Variants in DNAH9 observed in about 807,000 individuals in gnomAD.
The protein encoded by DNAH9 is DNAH9 variant protein.
Under a neutral mutation model 471.6 loss-of-function variants are expected in DNAH9, and 345 were observed. The observed-to-expected ratio is 0.73, with a 90% CI of 0.67 to 0.80. The LOEUF (loss-of-function observed/expected upper bound fraction) is 0.80. Among genes scored for constraint, DNAH9 ranks in the 30% least tolerant of loss-of-function variants. The pLI, the probability that DNAH9 is intolerant of heterozygous loss-of-function variation, is 0.00. For synonymous variants in DNAH9, 2,093 were observed against 2,123.6 expected (o/e 0.99, Z 0.40); for missense variants, 5,407 against 5,609.2 (o/e 0.96, Z 1.15).
chr17:11,660,310 T>TA (rs758825240), intron 14 of DNAH9, among the ~76,000 whole-genome samples: 54 of 146,100 alleles, frequency 3.7e-4, no homozygotes, highest in Admixed American at 1.2e-3. Context: ...TATTCAGTTT[T>TA]AAATGTTTCT....
At chr17:11,801,167 A>C (rs540043116) in intron 43 of DNAH9, among the ~76,000 whole-genome samples, 27 of 152,344 alleles carry the variant, frequency 1.8e-4, no homozygotes, top group African/African-American at 6.3e-4. Context: ...AGAGGAGAGA[A>C]GTTGCCTAAG....
At position 11,822,389 on chromosome 17, in the gene DNAH9, G is replaced by C. The variant is rs1567826337; in HGVS notation, c.8851-49G>C. ...CAAGGCCATATCTGCCTCTCCGTGA[G>C]TATTTCTCTGATGCCTTCCTGGTTC... is the stretch of plus-strand genomic sequence containing the variant. On this transcript the variant is annotated intron_variant, in intron 46 of 68. Transcript: ENST00000262442. 4.4e-6 allele frequency: 7 copies of C among 1,608,058 alleles called. 1 individual carries two copies. Among genetic ancestry groups the C allele is most frequent in the Non-Finnish European group, 6.0e-6 (7 of 1,175,898 alleles).
At chr17:11,700,071 T>C (rs1372410766) in intron 23 of DNAH9, among the ~76,000 whole-genome samples, 188 bp downstream of exon 23, 2 of 152,190 alleles carry the variant, frequency 1.3e-5, no homozygotes, top group African/African-American at 2.4e-5. Flanking sequence ...GCTTTCCTCT[T>C]TCAGGGAAGG....
rs1967747335 is a variant in DNAH9 at position 11,762,770 on chromosome 17, G to GTTTTGTT, written c.6996-666_6996-665insGTTTTTT. Among the ~76,000 whole-genome samples, 74 of 90,784 alleles carry GTTTTGTT rather than the reference G, an allele frequency of 8.2e-4. 1 individual carries two copies. Among genetic ancestry groups the GTTTTGTT allele is most frequent in the East Asian group, 3.3e-3 (10 of 3,028 alleles). 59.6% of individuals were successfully genotyped at this position (90,784 alleles called of 152,430 possible). On this transcript the variant is annotated intron_variant, in intron 35 of 68. Coordinates refer to ENST00000262442, the MANE Select transcript of DNAH9 (RefSeq NM_001372.4). ...CCTCTTTAGGTGCGTTTTTTTTTTTGTTTTTTTTTTTTTTTTTTTTTTTTT... is the reference window on the plus strand; with the variant it reads ...CCTCTTTAGGTGCGTTTTTTTTTTTGTTTTGTTTTTTTTTTTTTTTTTTTTTTTTTTT...
chr17:11,762,758 G>GTTTTTTTTGTTGT (rs1967733702), intron 35 of DNAH9, among the ~76,000 whole-genome samples: 13 of 94,770 alleles, frequency 1.4e-4, no homozygotes, highest in East Asian at 3.0e-4. Context: ...CTTTAGGTGC[G>GTTTTTTTTGTTGT]TTTTTTTTTT....
In DNAH9 at chr17:11,727,882, A is replaced by G. The variant is rs1198278309; in HGVS notation, c.5774A>G (p.Asn1925Ser). 9.3e-6 allele frequency: 15 copies of G among 1,614,018 alleles called. No individual in the cohort carries two copies. Among genetic ancestry groups the G allele is most frequent in the Non-Finnish European group, 1.3e-5 (15 of 1,180,004 alleles). Residue 1925 changes from asparagine to serine, a missense_variant, in exon 28 of 69, where the codon AAT becomes AGT. Around this residue, in one of 3 missense-constraint regions of DNAH9, gnomAD observed 4,636 missense variants for 4,900.3 expected, o/e 0.95. Transcript: ENST00000262442. ...GCCTGGGGCTGCTTTGATGAGTTTAATCGAATCTCCGTGGAGGTCTTGTCA... is the reference window on the plus strand; with the variant it reads ...GCCTGGGGCTGCTTTGATGAGTTTAGTCGAATCTCCGTGGAGGTCTTGTCA... ...TGAWGCFDEF[N>S]RISVEVLSVV...
intron 24 of DNAH9, among the ~76,000 whole-genome samples, chr17:11,702,771 AG>A (rs2074623575): frequency 6.6e-6 from 1 of 152,110 alleles, no homozygotes; most frequent in Admixed American, 6.6e-5. Flanking sequence ...GCCACATTGC[AG>A]GGGCTGAGGA....
At chr17:11,663,013 C>T (rs1360020349) in intron 14 of DNAH9, among the ~76,000 whole-genome samples, 10 of 151,680 alleles carry the variant, frequency 6.6e-5, no homozygotes, top group Admixed American at 6.6e-4. Context: ...CCTCGGCCTC[C>T]CAAAGTGCTG....
intron 26 of DNAH9, among the ~76,000 whole-genome samples, chr17:11,710,024 G>T (rs77236593): frequency 6.6e-6 from 1 of 151,992 alleles, no homozygotes; most frequent in Non-Finnish European, 1.5e-5. Context: ...ATTTGGAAAG[G>T]TTAGTATTCT....
At chr17:11,951,560 G>A (rs529222341) in intron 67 of DNAH9, among the ~76,000 whole-genome samples, 53 of 152,064 alleles carry the variant, frequency 3.5e-4, no homozygotes, top group African/African-American at 1.1e-3. Context: ...TATGACAGGA[G>A]GACTGCTTGA....
At chr17:11,682,986 T>C (rs1253008100) in intron 19 of DNAH9, among the ~76,000 whole-genome samples, 1 of 152,198 alleles carries the variant, frequency 6.6e-6, no homozygotes, top group Non-Finnish European at 1.5e-5. Flanking sequence ...GGCTTATTCT[T>C]CTGACTCTTT....
rs540173182 is a variant in DNAH9 at position 11,892,619 on chromosome 17, T to TCAGG, written c.11283+672_11283+673insCAGG. Among the ~76,000 whole-genome samples, 49 of 152,306 alleles carry TCAGG rather than the reference T, an allele frequency of 3.2e-4. No homozygotes were observed. In the East Asian group the frequency reaches 8.3e-3, roughly 26 times the overall value. ...AGGCTGGAATGCAGTGGTGTGATCC[T>TCAGG]GGCTCACTGCAATCTCCACCTCCCC... On this transcript the variant is annotated intron_variant, in intron 58 of 68. Transcript: ENST00000262442. The surrounding 1 kb of genome is among the most constrained non-coding windows in gnomAD (Gnocchi z 4.3).
At chr17:11,929,839 G>A in intron 62 of DNAH9, 27 bp from the exon 63 acceptor site, 1 of 1,593,852 alleles carries the variant, frequency 6.3e-7, no homozygotes, top group Non-Finnish European at 8.6e-7. Context: ...TGCCTGTATT[G>A]AGGGGGGGCT....
At chr17:11,900,800 G>A (rs999825274) in intron 59 of DNAH9, among the ~76,000 whole-genome samples, 8 of 152,130 alleles carry the variant, frequency 5.3e-5, no homozygotes, top group East Asian at 1.9e-4. Context: ...CTTTAGACAC[G>A]CAGTCTCGTC....
At chr17:11,767,853 C>A in intron 36 of DNAH9, among the ~76,000 whole-genome samples, 1 of 152,086 alleles carries the variant, frequency 6.6e-6, no homozygotes, top group Non-Finnish European at 1.5e-5. Context: ...GCTCTGTCTC[C>A]CCCACTGCTC....
intron 48 of DNAH9, among the ~76,000 whole-genome samples, chr17:11,832,590 C>T (rs1244012531): frequency 1.3e-5 from 2 of 152,188 alleles, no homozygotes; most frequent in South Asian, 2.1e-4. Context: ...CAAAGTCTCC[C>T]GTTTCAATGA....
chr17:11,860,427 G>T (rs1597746521), intron 50 of DNAH9, among the ~76,000 whole-genome samples: 1 of 152,150 alleles, frequency 6.6e-6, no homozygotes, highest in Non-Finnish European at 1.5e-5. Context: ...TTTCTGCATT[G>T]TTATTGTCTA....
At position 11,784,512 on chromosome 17, in the gene DNAH9, C is replaced by T. The variant is rs756984226; in HGVS notation, c.8034C>T (p.Asn2678=). The T allele has an allele frequency of 1.5e-5, 25 of 1,614,212 alleles. No individual in the cohort carries two copies. Among genetic ancestry groups the T allele is most frequent in the Non-Finnish European group, 2.1e-5 (25 of 1,180,036 alleles). The change falls in exon 41 of 69, where the codon AAC becomes AAT. Residue 2678 remains asparagine, a synonymous_variant. Transcript: ENST00000262442. The part of the protein sequence containing the change: ...PTGIKFHYIF[N]LRDFANIFQG... ...GAATCAAATTCCACTACATCTTCAA[C>T]CTCAGAGATTTTGCCAACATTTTCC... is the stretch of plus-strand genomic sequence containing the variant.
intron 32 of DNAH9, among the ~76,000 whole-genome samples, chr17:11,751,312 CA>C (rs1417487491): frequency 1.3e-5 from 2 of 151,524 alleles, no homozygotes; most frequent in Non-Finnish European, 3.0e-5. Context: ...TATGTGGAGC[CA>C]AAAAAACCCA....
Sources: allele counts gnomAD v4.1 joint callset (sites outside exome capture counted in the v4.1 genomes callset), GRCh38; gene constraint gnomAD v4.1.1; regional missense constraint gnomAD v4.1.1; non-coding constraint Gnocchi (gnomAD v3.1); transcripts MANE v1.5; gene names NCBI Gene and HGNC (gene_info 2026-07-23, HGNC 2026-07-21).